The following SBF2 variants were observed in gnomAD, a reference collection of about 807,000 sequenced individuals.
SBF2 encodes the protein SET binding factor 2.
A neutral mutation model predicts 225.2 loss-of-function variants in SBF2; 112 were observed. The ratio of observed to expected loss-of-function variants is 0.50; its 90% CI spans 0.43 to 0.58. The LOEUF (loss-of-function observed/expected upper bound fraction) is 0.58, where lower values mean the gene tolerates loss of function less well. Ranked by LOEUF, SBF2 falls within the 20% of genes least tolerant of loss-of-function variation. SBF2 has a pLI of 0.00. For missense variants in SBF2, 1,996 were observed against 2,206.2 expected (o/e 0.90, Z 1.91); for synonymous variants, 763 against 773.3 (o/e 0.99, Z 0.22).
chr11:9,846,963 G>A lies in SBF2; in HGVS notation c.2927C>T (p.Ser976Phe), dbSNP rs1564909729. 5 of 1,613,698 alleles carry A rather than the reference G, an allele frequency of 3.1e-6. No individual in the cohort carries two copies. Among genetic ancestry groups the A allele is most frequent in the Non-Finnish European group, 4.2e-6 (5 of 1,179,678 alleles). The change falls in exon 23 of 40, where the codon TCT (serine) becomes TTT (phenylalanine). Residue 976 changes from serine (S) to phenylalanine (F), a missense_variant. Physicochemically the swap from Ser to Phe is radical, Grantham distance 155. Transcript: ENST00000256190. Reference protein sequence around the residue: ...MQEGLQITSASFQLIKVAFDE... With the variant: ...MQEGLQITSAFFQLIKVAFDE... ...GGCTTCCTTTTTTAATACCTGAAAA[G>A]ATGCTGATGTGATCTGCAGTCCTTC... is the stretch of plus-strand genomic sequence containing the variant.
chr11:9,826,731 A>ATATATATG, intron 28 of SBF2, among the ~76,000 whole-genome samples: 1 of 64,938 alleles, frequency 1.5e-5, no homozygotes, highest in South Asian at 5.2e-4. Flanking sequence ...ATATATATAT[A>ATATATATG]TGTGTGTGTG....
At chr11:9,890,993 G>A (rs1050232672) in intron 17 of SBF2, among the ~76,000 whole-genome samples, 1 of 152,204 alleles carries the variant, frequency 6.6e-6, no homozygotes, top group Non-Finnish European at 1.5e-5. Flanking sequence ...AAAATTAGCC[G>A]GGCGTGGTGG....
At chr11:10,169,307 T>A (rs1338524712) in intron 2 of SBF2, among the ~76,000 whole-genome samples, 1 of 152,160 alleles carries the variant, frequency 6.6e-6, no homozygotes. Flanking sequence ...TGCCCATTAA[T>A]CTTCTCCATT....
intron 2 of SBF2, among the ~76,000 whole-genome samples, chr11:10,079,688 C>T (rs1379074940): frequency 6.6e-6 from 1 of 152,096 alleles, no homozygotes; most frequent in Non-Finnish European, 1.5e-5. Flanking sequence ...TTATGGAAAA[C>T]TACCTTATTC....
intron 2 of SBF2, among the ~76,000 whole-genome samples, chr11:10,114,192 A>G (rs189047100): frequency 2.6e-5 from 4 of 152,324 alleles, no homozygotes; most frequent in Admixed American, 2.6e-4. Context: ...TAATGCATGT[A>G]TTTAGAACAT....
intron 21 of SBF2, among the ~76,000 whole-genome samples, chr11:9,852,345 G>C (rs1305885170): frequency 6.6e-6 from 1 of 152,082 alleles, no homozygotes; most frequent in Non-Finnish European, 1.5e-5. Flanking sequence ...TTTTGGTGGT[G>C]GGGGAGGGGG....
chr11:10,074,947 A>C (rs138951195), intron 2 of SBF2, among the ~76,000 whole-genome samples: 1 of 152,366 alleles, frequency 6.6e-6, no homozygotes, highest in East Asian at 1.9e-4. Context: ...GTTACAGAAA[A>C]ATATATTAAT....
intron 2 of SBF2, among the ~76,000 whole-genome samples, chr11:10,115,171 C>A (rs927076236): frequency 6.6e-6 from 1 of 151,982 alleles, no homozygotes; most frequent in African/African-American, 2.4e-5. Context: ...AATTAACATT[C>A]CTTTAGATGT....
intron 16 of SBF2, among the ~76,000 whole-genome samples, chr11:9,922,697 T>C (rs1272802150): frequency 1.3e-5 from 2 of 152,232 alleles, no homozygotes; most frequent in African/African-American, 4.8e-5. Context: ...AACATACCCT[T>C]GTAACTGAGC....
chr11:10,247,680 A>G (rs1011274634), intron 1 of SBF2, among the ~76,000 whole-genome samples: 1 of 152,116 alleles, frequency 6.6e-6, no homozygotes, highest in Non-Finnish European at 1.5e-5. Context: ...TGGGTGAAAG[A>G]GCAAGACTCC....
chr11:10,092,503 G>A (rs1424852047), intron 2 of SBF2, among the ~76,000 whole-genome samples: 3 of 152,108 alleles, frequency 2.0e-5, no homozygotes, highest in South Asian at 4.1e-4. Flanking sequence ...TTTCCCATAC[G>A]ATTATCAGAA....
chr11:9,865,688 C>CAAAAAAAAAAAAAAAAAA (rs1174863548), intron 17 of SBF2, among the ~76,000 whole-genome samples: 2 of 14,842 alleles, frequency 1.3e-4, no homozygotes, highest in African/African-American at 5.2e-4. Flanking sequence ...AAAACTGTCT[C>CAAAAAAAAAAAAAAAAAA]AAAAAAAAAA....
intron 36 of SBF2, among the ~76,000 whole-genome samples, chr11:9,786,632 T>C (rs1286938621): frequency 2.0e-5 from 3 of 152,168 alleles, no homozygotes; most frequent in African/African-American, 7.2e-5. Context: ...TCTGTCCTAA[T>C]TTCCCTTCTG....
chr11:9,923,571 A>AAG (rs1863798780), intron 16 of SBF2, among the ~76,000 whole-genome samples: 1 of 152,218 alleles, frequency 6.6e-6, no homozygotes, highest in African/African-American at 2.4e-5. Flanking sequence ...AAAGAATGAA[A>AAG]AGCTATTTAC....
At chr11:10,036,399 C>T (rs1448655121) in intron 3 of SBF2, among the ~76,000 whole-genome samples, 1 of 152,000 alleles carries the variant, frequency 6.6e-6, no homozygotes, top group Non-Finnish European at 1.5e-5. Context: ...TACCCCAGAA[C>T]TTAAAGTATA....
At chr11:10,077,732 A>C (rs1286015527) in intron 2 of SBF2, among the ~76,000 whole-genome samples, 1 of 152,224 alleles carries the variant, frequency 6.6e-6, no homozygotes, top group East Asian at 1.9e-4. Context: ...GCATGGGCAA[A>C]GACTTCATGA....
At chr11:10,197,616 G>GT (rs1371378504) in intron 1 of SBF2, among the ~76,000 whole-genome samples, 3 of 152,166 alleles carry the variant, frequency 2.0e-5, no homozygotes, top group Admixed American at 2.0e-4. Flanking sequence ...CAACAGTGAA[G>GT]TTTGCCATAT....
intron 1 of SBF2, among the ~76,000 whole-genome samples, chr11:10,225,541 T>G (rs1295807206): frequency 1.3e-5 from 2 of 152,090 alleles, no homozygotes; most frequent in East Asian, 1.9e-4. Context: ...AAATAGAAAT[T>G]TATTTCCTAA....
At chr11:9,926,954 A>G (rs2134243684) in intron 16 of SBF2, among the ~76,000 whole-genome samples, 1 of 152,128 alleles carries the variant, frequency 6.6e-6, no homozygotes, top group East Asian at 1.9e-4. Flanking sequence ...TGAAACCCGA[A>G]ACTGGTTCTC....
Sources: allele counts gnomAD v4.1 joint callset (sites outside exome capture counted in the v4.1 genomes callset), GRCh38; gene constraint gnomAD v4.1.1; transcripts MANE v1.5; gene names NCBI Gene and HGNC (gene_info 2026-07-23, HGNC 2026-07-21).